Variants in SENP7 observed in about 807,000 individuals in gnomAD.
The protein encoded by SENP7 is SUMO specific peptidase 7.
A neutral mutation model predicts 141.2 loss-of-function variants in SENP7; 64 were observed. The observed-to-expected ratio is 0.45, with a 90% confidence interval of 0.37 to 0.56. The LOEUF (loss-of-function observed/expected upper bound fraction) is 0.56, where lower values mean the gene tolerates loss of function less well. SENP7 is among the 20% of genes least tolerant of loss of function. The pLI is 0.00. For synonymous variants in SENP7, 382 were observed against 426.4 expected (o/e 0.90, Z 1.28); for missense variants, 1,025 against 1,212.2 (o/e 0.85, Z 2.29).
chr3:101,452,398 C>T (rs1370977803), intron 4 of SENP7, among the ~76,000 whole-genome samples: 1 of 152,146 alleles, frequency 6.6e-6, no homozygotes, highest in African/African-American at 2.4e-5. Flanking sequence ...AAAGAGCCCA[C>T]ATTGCCAAGA....
At chr3:101,350,516 C>A (rs1253237927) in intron 12 of SENP7, among the ~76,000 whole-genome samples, 2 of 151,856 alleles carry the variant, frequency 1.3e-5, no homozygotes, top group Non-Finnish European at 2.9e-5. Context: ...AATTATAAAC[C>A]TATTATCACT....
At chr3:101,330,019 T>C (rs1299798209) in intron 20 of SENP7, among the ~76,000 whole-genome samples, 2 of 151,098 alleles carry the variant, frequency 1.3e-5, no homozygotes, top group African/African-American at 2.4e-5. Flanking sequence ...CTTAAGATGA[T>C]TAATTACCTA....
At chr3:101,380,445 C>CCCCACA (rs58844573) in intron 6 of SENP7, among the ~76,000 whole-genome samples, 1,969 of 128,168 alleles carry the variant, frequency 0.015, 69 homozygotes, top group African/African-American at 0.021. Flanking sequence ...GCCCCCCCCC[C>CCCCACA]CACACACACA....
At position 101,394,371 on chromosome 3, in the gene SENP7, T is replaced by G. The variant is rs540619415; in HGVS notation, c.677+4490A>C. ...ATGGGACACTTAAGTTGATTCTGTA[T>G]CTTTGCTATGGTGAATAGTACTGCA... On this transcript the variant is annotated intron_variant, in intron 6 of 23. Transcript: ENST00000394095. Among the ~76,000 whole-genome samples, 3 of 152,318 alleles carry G rather than the reference T, an allele frequency of 2.0e-5. No homozygotes were observed. The East Asian group carries it at 5.8e-4, about 29-fold the overall frequency.
At chr3:101,467,830 CG>C (rs1316746589) in intron 3 of SENP7, among the ~76,000 whole-genome samples, 1 of 152,122 alleles carries the variant, frequency 6.6e-6, no homozygotes, top group African/African-American at 2.4e-5. Flanking sequence ...TCACCAGCAA[CG>C]GAACAAAGCT....
chr3:101,466,418 T>C (rs1289723974), intron 3 of SENP7, among the ~76,000 whole-genome samples: 1 of 152,122 alleles, frequency 6.6e-6, no homozygotes, highest in Non-Finnish European at 1.5e-5. Flanking sequence ...AAAACAAATT[T>C]CTCAGCAGAA....
At chr3:101,486,716 A>G (rs2064745497) in intron 3 of SENP7, among the ~76,000 whole-genome samples, 1 of 152,178 alleles carries the variant, frequency 6.6e-6, no homozygotes, top group Non-Finnish European at 1.5e-5. Flanking sequence ...CAAAAACAAA[A>G]AACCCAAGTA....
intron 6 of SENP7, among the ~76,000 whole-genome samples, chr3:101,394,096 GC>G (rs1261830065): frequency 6.6e-6 from 1 of 151,802 alleles, no homozygotes; most frequent in Non-Finnish European, 1.5e-5. Context: ...TCTCTCCATT[GC>G]CCCCCACCAC....
chr3:101,327,461 T>A (rs781420179), intron 23 of SENP7, among the ~76,000 whole-genome samples: 28 of 152,104 alleles, frequency 1.8e-4, no homozygotes, highest in Non-Finnish European at 2.8e-4. Context: ...AGGATATGTT[T>A]GCTTCCCCTT....
intron 6 of SENP7, among the ~76,000 whole-genome samples, chr3:101,376,760 T>G (rs9842354): frequency 6.6e-6 from 1 of 151,786 alleles, no homozygotes; most frequent in Non-Finnish European, 1.5e-5. Flanking sequence ...GTTGTGCACA[T>G]GTACCCTAAA....
At chr3:101,330,177 T>C (rs2059011420) in intron 20 of SENP7, among the ~76,000 whole-genome samples, 157 bp downstream of exon 20, 1 of 152,150 alleles carries the variant, frequency 6.6e-6, no homozygotes, top group South Asian at 2.1e-4. Flanking sequence ...ACTAATCTCG[T>C]TCTCTTCCCC....
At chr3:101,435,499 C>T (rs1339822543) in intron 4 of SENP7, among the ~76,000 whole-genome samples, 4 of 151,956 alleles carry the variant, frequency 2.6e-5, no homozygotes, top group Admixed American at 6.6e-5. Flanking sequence ...TCAAATTACT[C>T]GTTTGCTGAT....
intron 5 of SENP7, among the ~76,000 whole-genome samples, chr3:101,403,556 G>T (rs2107599242): frequency 6.6e-6 from 1 of 152,246 alleles, no homozygotes; most frequent in African/African-American, 2.4e-5. Flanking sequence ...ATGCTAATTT[G>T]CCAAAGGATT....
intron 4 of SENP7, among the ~76,000 whole-genome samples, chr3:101,440,837 G>A (rs927686520): frequency 1.3e-5 from 2 of 152,084 alleles, no homozygotes; most frequent in African/African-American, 2.4e-5. Context: ...TCCCAGGAAT[G>A]CAGTTACTTT....
At chr3:101,495,758 G>C (rs1196728782) in intron 2 of SENP7, among the ~76,000 whole-genome samples, 1 of 152,186 alleles carries the variant, frequency 6.6e-6, no homozygotes, top group Non-Finnish European at 1.5e-5. Flanking sequence ...GACCGGTAGA[G>C]GGAGCATCAG....
At chr3:101,420,041 G>A (rs979847476) in intron 4 of SENP7, among the ~76,000 whole-genome samples, 2 of 152,170 alleles carry the variant, frequency 1.3e-5, no homozygotes, top group African/African-American at 4.8e-5. Flanking sequence ...TTTATGACAG[G>A]AGAAGAGGCA....
chr3:101,498,022 C>T (rs1489905868), intron 2 of SENP7, among the ~76,000 whole-genome samples: 2 of 152,124 alleles, frequency 1.3e-5, no homozygotes, highest in African/African-American at 2.4e-5. Flanking sequence ...GCCTCAAATT[C>T]CTGACCTCAA....
chr3:101,331,378 G>A (rs2059046113), intron 19 of SENP7, among the ~76,000 whole-genome samples: 1 of 151,268 alleles, frequency 6.6e-6, no homozygotes, highest in Non-Finnish European at 1.5e-5. Context: ...GACTAATCAG[G>A]AGGGTAAGGC....
chr3:101,410,772 A>G (rs1385478546), intron 5 of SENP7, among the ~76,000 whole-genome samples: 2 of 151,812 alleles, frequency 1.3e-5, no homozygotes, highest in African/African-American at 2.4e-5. Flanking sequence ...TTGAACCTGG[A>G]AGGCGGAGGT....
Sources: allele counts gnomAD v4.1 joint callset (sites outside exome capture counted in the v4.1 genomes callset), GRCh38; gene constraint gnomAD v4.1.1; transcripts MANE v1.5; gene names NCBI Gene and HGNC (gene_info 2026-07-23, HGNC 2026-07-21).